MUCL1: variants seen among roughly 807,000 people sequenced by gnomAD.
MUCL1 encodes mucin like 1.
Under a neutral mutation model 9.2 loss-of-function variants are expected in MUCL1, and 11 were observed. The observed-to-expected ratio is 1.19, with a 90% confidence interval of 0.75 to 1.97. MUCL1 has a LOEUF of 1.97. MUCL1 is among the 30% of genes most tolerant of loss of function. MUCL1 has a pLI of 0.00. For synonymous variants in MUCL1, 48 were observed against 40.5 expected (o/e 1.19, Z -0.71); for missense variants, 144 against 110.9 (o/e 1.30, Z -1.34).
In MUCL1 at chr12:54,857,648, T is replaced by C. The variant is rs1426672674; in HGVS notation, c.224-545T>C. Among the ~76,000 whole-genome samples the C allele has an allele frequency of 2.0e-5, 3 of 152,146 alleles. No homozygotes were observed. In the East Asian group the frequency reaches 5.8e-4, roughly 29 times the overall value. On this transcript the variant is annotated intron_variant, in intron 3 of 3. Coordinates refer to ENST00000308796, the MANE Select transcript of MUCL1 (RefSeq NM_058173.3). ...ATGGAAGAGTTGCAATGAGAAACTT[T>C]CCTTTGAGCACACAGGCAGAAAGAA...
At chr12:54,854,499 TG>T, upstream of MUCL1, 1 of 1,044,370 alleles carries the variant, frequency 9.6e-7, no homozygotes, top group Non-Finnish European at 1.5e-6. Flanking sequence ...ATTGTCAGGA[TG>T]TGGAATCCTG....
chr12:54,839,334 CTT>C, upstream of MUCL1: 1 of 699,806 alleles, frequency 1.4e-6, no homozygotes, highest in South Asian at 1.5e-5. Flanking sequence ...GTGGCACACA[CTT>C]ATTTATTTAT....
chr12:54,840,202 C>A (rs894744947), intron 1 of MUCL1, among the ~76,000 whole-genome samples: 14 of 152,116 alleles, frequency 9.2e-5, no homozygotes, highest in Admixed American at 1.3e-4. Context: ...GTACCAGGAC[C>A]AGTTCTGATG....
chr12:54,846,209 C>A (rs1959252199), intron 1 of MUCL1, among the ~76,000 whole-genome samples: 1 of 152,108 alleles, frequency 6.6e-6, no homozygotes, highest in Non-Finnish European at 1.5e-5. Context: ...CTGCAGATGG[C>A]AAAACTGAAA....
upstream of MUCL1, among the ~76,000 whole-genome samples, chr12:54,835,658 T>C (rs1959192010): frequency 6.6e-6 from 1 of 151,758 alleles, no homozygotes; most frequent in African/African-American, 2.4e-5. Context: ...TTGTTCCAGG[T>C]CTTCGTGGGA....
chr12:54,840,956 AAACTGTAT>A (rs1198931413), intron 1 of MUCL1, among the ~76,000 whole-genome samples: 1 of 152,196 alleles, frequency 6.6e-6, no homozygotes, highest in African/African-American at 2.4e-5. Context: ...CCCAGGGATG[AAACTGTAT>A]AATTTGACCA....
intron 1 of MUCL1, among the ~76,000 whole-genome samples, chr12:54,831,976 C>T (rs1041594122): frequency 6.6e-6 from 1 of 151,962 alleles, no homozygotes; most frequent in African/African-American, 2.4e-5. Flanking sequence ...AATTCTTCAT[C>T]AAAAGTTTTC....
At chr12:54,833,426 C>A (rs1294754763) in intron 1 of MUCL1, among the ~76,000 whole-genome samples, 1 of 152,028 alleles carries the variant, frequency 6.6e-6, no homozygotes, top group African/African-American at 2.4e-5. Context: ...TTGGTATTTT[C>A]AGTTCATAAA....
chr12:54,835,205 T>G (rs960772031), upstream of MUCL1, among the ~76,000 whole-genome samples: 1 of 152,222 alleles, frequency 6.6e-6, no homozygotes, highest in Non-Finnish European at 1.5e-5. Context: ...TGAATTCTGC[T>G]ATGATAAACA....
chr12:54,854,725 T>A, intron 1 of MUCL1, 85 bp downstream of exon 1: 2 of 1,271,290 alleles, frequency 1.6e-6, no homozygotes, highest in South Asian at 1.3e-5. Context: ...TATGGTTGCT[T>A]AGAATGTGCT....
At chr12:54,851,847 G>A (rs1392086820), upstream of MUCL1, among the ~76,000 whole-genome samples, 4 of 152,248 alleles carry the variant, frequency 2.6e-5, no homozygotes, top group South Asian at 4.2e-4. Context: ...AAAATCACAA[G>A]CATTCTTATA....
intron 1 of MUCL1, among the ~76,000 whole-genome samples, chr12:54,833,184 T>A (rs1170895310): frequency 6.6e-6 from 1 of 152,170 alleles, no homozygotes; most frequent in East Asian, 1.9e-4. Context: ...AAGCATATTC[T>A]GTTGTGCATG....
chr12:54,834,676 GAACT>G (rs145881308), upstream of MUCL1, among the ~76,000 whole-genome samples: 218 of 151,890 alleles, frequency 1.4e-3, 1 homozygote, highest in East Asian at 7.9e-3. Context: ...TAATCATAAT[GAACT>G]AACTGTGTAT....
chr12:54,843,255 G>T (rs542390717), intron 1 of MUCL1, among the ~76,000 whole-genome samples: 24 of 152,218 alleles, frequency 1.6e-4, no homozygotes, highest in African/African-American at 5.8e-4. Context: ...TCTTTGGTAT[G>T]ATGTTTGCTG....
At chr12:54,834,240 A>G (rs886506638) in intron 1 of MUCL1, among the ~76,000 whole-genome samples, 2 of 152,096 alleles carry the variant, frequency 1.3e-5, no homozygotes, top group African/African-American at 2.4e-5. Context: ...ATAATAAACT[A>G]TTTGGAATTT....
chr12:54,855,955 T>C (rs1378057099), intron 2 of MUCL1, among the ~76,000 whole-genome samples: 1 of 152,216 alleles, frequency 6.6e-6, no homozygotes, highest in East Asian at 1.9e-4. Context: ...AGTGTGGGTT[T>C]GGAGGTGGAG....
At chr12:54,837,801 A>G (rs1565774483), upstream of MUCL1, among the ~76,000 whole-genome samples, 2 of 152,098 alleles carry the variant, frequency 1.3e-5, no homozygotes, top group African/African-American at 2.4e-5. Flanking sequence ...AAAAAAATCA[A>G]TGCTTATATT....
At chr12:54,854,851 C>T (rs2135946437) in intron 1 of MUCL1, among the ~76,000 whole-genome samples, 1 of 152,236 alleles carries the variant, frequency 6.6e-6, no homozygotes, top group Non-Finnish European at 1.5e-5. Context: ...TACCTTGGAA[C>T]CCAAGTTTAT....
intron 1 of MUCL1, among the ~76,000 whole-genome samples, chr12:54,847,669 G>A (rs1382445521): frequency 6.6e-6 from 1 of 152,002 alleles, no homozygotes; most frequent in East Asian, 1.9e-4. Flanking sequence ...AAAGAGACAA[G>A]CAAATATCAG....
Sources: gnomAD v4.1 joint callset for allele counts (sites outside exome capture counted in the v4.1 genomes callset) on GRCh38, gnomAD v4.1.1 for gene constraint, MANE v1.5 for transcripts, NCBI Gene and HGNC (gene_info 2026-07-23, HGNC 2026-07-21) for gene names.